CNTN5: variants seen among roughly 807,000 people sequenced by gnomAD.
CNTN5 encodes the protein contactin-5.
CNTN5 carries 77 observed loss-of-function variants against 129.1 expected under a neutral mutation model. The ratio of observed to expected loss-of-function variants is 0.60; its 90% confidence interval spans 0.50 to 0.72. The LOEUF is 0.72. Among genes scored for constraint, CNTN5 ranks in the 30% least tolerant of loss-of-function variants. The probability of loss-of-function intolerance (pLI) is 0.00; values close to 1 mark genes in which losing one functional copy is unlikely to be tolerated. For missense variants in CNTN5, 1,478 were observed against 1,328.8 expected, an observed-to-expected ratio of 1.11 and a Z score of -1.75; for synonymous variants, 509 against 465.6, an observed-to-expected ratio of 1.09 and a Z score of -1.20.
chr11:100,087,247 A>G (rs1470784147), intron 13 of CNTN5, among the ~76,000 whole-genome samples: 2 of 151,884 alleles, frequency 1.3e-5, no homozygotes, highest in Admixed American at 1.3e-4. Flanking sequence ...GGATCATTTG[A>G]TTAAATGAAT....
At chr11:99,697,312 A>AGG (rs138206490) in intron 3 of CNTN5, among the ~76,000 whole-genome samples, 2 of 151,506 alleles carry the variant, frequency 1.3e-5, no homozygotes, top group East Asian at 3.9e-4. Context: ...AGAGAAAAAG[A>AGG]GGGGGAGAGA....
At chr11:99,702,471 G>T (rs1322373428) in intron 3 of CNTN5, among the ~76,000 whole-genome samples, 2 of 150,722 alleles carry the variant, frequency 1.3e-5, no homozygotes, top group African/African-American at 4.9e-5. Context: ...ATTTAATAAT[G>T]GCAGGCTTAT....
At chr11:99,858,848 A>G (rs1029795941) in intron 6 of CNTN5, among the ~76,000 whole-genome samples, 1 of 152,030 alleles carries the variant, frequency 6.6e-6, no homozygotes, top group African/African-American at 2.4e-5. Flanking sequence ...ATTAATGACA[A>G]TGCTAATAAT....
intron 13 of CNTN5, among the ~76,000 whole-genome samples, chr11:100,179,739 A>ATGGTT (rs1948080047): frequency 6.6e-6 from 1 of 152,120 alleles, no homozygotes; most frequent in Non-Finnish European, 1.5e-5. Flanking sequence ...TTGAACTAAA[A>ATGGTT]ATAATTTATC....
intron 15 of CNTN5, among the ~76,000 whole-genome samples, chr11:100,196,845 T>A (rs1229201459): frequency 6.6e-6 from 1 of 152,026 alleles, no homozygotes; most frequent in Admixed American, 6.6e-5. Flanking sequence ...CTGAATGTGA[T>A]AAGCTAGTGA....
At chr11:99,669,227 G>A (rs761189251) in intron 3 of CNTN5, among the ~76,000 whole-genome samples, 6 of 152,034 alleles carry the variant, frequency 3.9e-5, no homozygotes, top group East Asian at 1.9e-4. Context: ...TATAATCAAC[G>A]AAAATAAGAC....
intron 4 of CNTN5, among the ~76,000 whole-genome samples, chr11:99,843,858 A>C (rs886356421): frequency 2.0e-5 from 3 of 152,114 alleles, no homozygotes; most frequent in Non-Finnish European, 2.9e-5. Context: ...AAAATTAAGC[A>C]AAAAAAGCTT....
intron 2 of CNTN5, among the ~76,000 whole-genome samples, chr11:99,371,306 AT>A (rs987578388): frequency 6.6e-6 from 1 of 151,972 alleles, no homozygotes; most frequent in African/African-American, 2.4e-5. Context: ...CAACTTAAAA[AT>A]ATATACATAT....
intron 17 of CNTN5, among the ~76,000 whole-genome samples, chr11:100,258,958 A>G (rs1950138166): frequency 6.6e-6 from 1 of 152,202 alleles, no homozygotes; most frequent in Non-Finnish European, 1.5e-5. Flanking sequence ...TTAACCTTAA[A>G]TATAAATGGG....
At chr11:99,841,112 T>A (rs1276483745) in intron 4 of CNTN5, among the ~76,000 whole-genome samples, 4 of 152,156 alleles carry the variant, frequency 2.6e-5, no homozygotes, top group Admixed American at 2.6e-4. Flanking sequence ...CTTTTTCACA[T>A]TTCTATTTAC....
intron 1 of CNTN5, among the ~76,000 whole-genome samples, chr11:99,200,656 T>C (rs1859123716): frequency 6.6e-6 from 1 of 152,186 alleles, no homozygotes; most frequent in African/African-American, 2.4e-5. Flanking sequence ...TTAGCCATCA[T>C]GATATAAGTG....
chr11:99,174,965 G>A (rs1857701889), intron 1 of CNTN5, among the ~76,000 whole-genome samples: 1 of 151,998 alleles, frequency 6.6e-6, no homozygotes, highest in South Asian at 2.1e-4. Flanking sequence ...CAGGCATGGT[G>A]GCTCATGCCT....
intron 13 of CNTN5, among the ~76,000 whole-genome samples, chr11:100,188,591 G>T (rs1412221502): frequency 6.6e-6 from 1 of 152,148 alleles, no homozygotes; most frequent in Non-Finnish European, 1.5e-5. Flanking sequence ...AAAAACAACA[G>T]ATGCTGGTGA....
chr11:99,261,740 G>C (rs890735799), intron 1 of CNTN5, among the ~76,000 whole-genome samples: 1 of 152,002 alleles, frequency 6.6e-6, no homozygotes, highest in African/African-American at 2.4e-5. Context: ...GGTGATAGGT[G>C]TATTTGAATT....
intron 17 of CNTN5, among the ~76,000 whole-genome samples, chr11:100,269,554 G>A (rs1950370522): frequency 6.6e-6 from 1 of 152,096 alleles, no homozygotes; most frequent in South Asian, 2.1e-4. Flanking sequence ...ATCTTAAGAG[G>A]TCCACCCCTT....
intron 2 of CNTN5, among the ~76,000 whole-genome samples, chr11:99,368,915 G>T (rs141985576): frequency 6.6e-6 from 1 of 152,090 alleles, no homozygotes; most frequent in African/African-American, 2.4e-5. Context: ...AAAAACACTG[G>T]AGAATGTCAG....
chr11:99,631,732 A>G (rs976489762), intron 3 of CNTN5, among the ~76,000 whole-genome samples: 7 of 152,062 alleles, frequency 4.6e-5, no homozygotes, highest in Admixed American at 3.9e-4. Flanking sequence ...ACACATACAA[A>G]CTGAGGTTCA....
intron 18 of CNTN5, among the ~76,000 whole-genome samples, chr11:100,284,827 C>T (rs1950731219): frequency 6.6e-6 from 1 of 152,122 alleles, no homozygotes; most frequent in Non-Finnish European, 1.5e-5. Flanking sequence ...TATATATACA[C>T]ACATGAATAA....
At chr11:99,153,491 T>C (rs1565360054) in intron 1 of CNTN5, among the ~76,000 whole-genome samples, 1 of 151,632 alleles carries the variant, frequency 6.6e-6, no homozygotes, top group African/African-American at 2.4e-5. Flanking sequence ...AGATCAGGTT[T>C]TTTTTTTTTT....
Sources: allele counts gnomAD v4.1 joint callset (sites outside exome capture counted in the v4.1 genomes callset), GRCh38; gene constraint gnomAD v4.1.1; transcripts MANE v1.5; gene names NCBI Gene and HGNC (gene_info 2026-07-23, HGNC 2026-07-21).